Variants in WNK1 observed in about 807,000 individuals in gnomAD.
The protein encoded by WNK1 is WNK lysine deficient protein kinase 1, also known as serine/threonine-protein kinase WNK1.
WNK1 carries 38 observed loss-of-function variants against 222.8 expected under a neutral mutation model. The ratio of observed to expected loss-of-function variants is 0.17; its 90% CI spans 0.13 to 0.22. WNK1 has a LOEUF of 0.22. Ranked by LOEUF, WNK1 falls within the 10% of genes least tolerant of loss-of-function variation. The probability of loss-of-function intolerance (pLI) is 1.00; values close to 1 mark genes in which losing one functional copy is unlikely to be tolerated. For synonymous variants in WNK1, 1,090 were observed against 1,092.9 expected (o/e 1.00, Z 0.05); for missense variants, 2,348 against 2,918.4 (o/e 0.80, Z 4.50).
intron 5 of WNK1, 83 bp downstream of exon 5, chr12:857,332 T>C: frequency 4.1e-6 from 5 of 1,214,328 alleles, no homozygotes; most frequent in Non-Finnish European, 6.1e-6. Context: ...CATTCTACGG[T>C]GTATTTAATA....
intron 3 of WNK1, among the ~76,000 whole-genome samples, chr12:829,524 G>A (rs1348865627): frequency 6.6e-6 from 1 of 152,178 alleles, no homozygotes; most frequent in Non-Finnish European, 1.5e-5. Context: ...TGCCAAGAGT[G>A]TAGCTGTAAA....
Position 878,330 on chromosome 12 carries a change from A to G in WNK1, c.2342A>G (p.Gln781Arg), listed in dbSNP as rs1224692820. The change falls in exon 10 of 28, where the codon CAA becomes CGA. Residue 781 changes from glutamine (Q) to arginine (R), a missense_variant. This residue lies in a region of WNK1 where 547 missense variants were observed against 558.3 expected (regional missense o/e 0.98). Transcript: ENST00000315939. ...AQPVSQPQAP[Q>R]VLPQVSAGKQ... ...CCAGTGAGTCAGCCTCAAGCTCCAC[A>G]AGTCTTGCCTCAAGTATCAGCTGGA... 2 of 1,613,868 alleles carry G rather than the reference A, an allele frequency of 1.2e-6. No individual in the cohort carries two copies. The highest frequency in any genetic ancestry group is 8.5e-7 in the Non-Finnish European group (1 of 1,180,002).
At chr12:801,589 T>A (rs1251614919) in intron 1 of WNK1, among the ~76,000 whole-genome samples, 1 of 150,224 alleles carries the variant, frequency 6.7e-6, no homozygotes, top group Non-Finnish European at 1.5e-5. Flanking sequence ...TTTTTTTTTT[T>A]AAGAGACAAG....
In WNK1 at chr12:780,172, C is replaced by T. The variant is rs1213609399; in HGVS notation, c.759+25848C>T. On this transcript the variant is annotated intron_variant, in intron 1 of 27. Coordinates refer to ENST00000315939, the MANE Select transcript of WNK1 (RefSeq NM_018979.4). Reference sequence around the variant, plus strand: ...AATCTGCCCCATCTTTGTCTAATTCCGTTTTAACTTCTGTCCTTAACATGT... The same window carrying T: ...AATCTGCCCCATCTTTGTCTAATTCTGTTTTAACTTCTGTCCTTAACATGT... 3.3e-5 allele frequency among the ~76,000 whole-genome samples: 5 copies of T among 152,082 alleles called. No homozygotes were observed. In the South Asian group the frequency reaches 8.3e-4, roughly 25 times the overall value.
At chr12:878,145 C>T in intron 9 of WNK1, 67 bp from the exon 10 acceptor site, 1 of 1,602,528 alleles carries the variant, frequency 6.2e-7, no homozygotes, top group South Asian at 1.1e-5. Context: ...TTTAGGTAAA[C>T]ATGCTTCCTT....
chr12:753,697 C>T lies in WNK1; in HGVS notation c.132C>T (p.Ala44=). 6.2e-7 allele frequency: 1 copy of T among 1,612,242 alleles called. No individual in the cohort carries two copies. The highest frequency in any genetic ancestry group is 8.5e-7 in the Non-Finnish European group (1 of 1,179,834). Residue 44 remains alanine (A), a synonymous_variant, in exon 1 of 28, where the codon GCC becomes GCT. Coordinates refer to ENST00000315939, the MANE Select transcript of WNK1 (RefSeq NM_018979.4). The surrounding 1 kb of genome is among the most constrained non-coding windows in gnomAD (Gnocchi z 5.2). ...SVGEKLGAAA[A]DAVTGRTEEY... is the part of the protein sequence containing the mutation. Reference sequence around the variant, plus strand: ...GGGAGAAACTGGGAGCCGCGGCCGCCGACGCTGTGACCGGCAGGACCGAGG... The same window carrying T: ...GGGAGAAACTGGGAGCCGCGGCCGCTGACGCTGTGACCGGCAGGACCGAGG...
intron 4 of WNK1, among the ~76,000 whole-genome samples, chr12:845,147 A>G (rs560769481): frequency 2.5e-4 from 38 of 152,008 alleles, no homozygotes; most frequent in East Asian, 1.9e-3. Flanking sequence ...CGCCCGCCTC[A>G]GCCTCCCAAA....
At chr12:788,684 T>G (rs2153977625) in intron 1 of WNK1, among the ~76,000 whole-genome samples, 1 of 152,202 alleles carries the variant, frequency 6.6e-6, no homozygotes, top group African/African-American at 2.4e-5. Context: ...GTCAGGTGTT[T>G]GAGACAAGCC....
chr12:900,609 C>T lies in WNK1; in HGVS notation c.6582C>T (p.Leu2194=). 6.2e-7 allele frequency: 1 copy of T among 1,614,238 alleles called. No individual in the cohort carries two copies. The highest frequency in any genetic ancestry group is 1.7e-5 in the Admixed American group (1 of 60,030). The change falls in exon 26 of 28, where the codon CTC becomes CTT. Residue 2194 remains leucine (L), a synonymous_variant. Transcript: ENST00000315939. The part of the protein sequence containing the change: ...PLKPSPSSDN[L]YSAFTSDGAI... The stretch of plus-strand genomic sequence containing the variant: ...AGCCATCTCCCTCCAGTGACAACCT[C>T]TATTCAGCCTTCACCAGTGATGGTG...
chr12:836,575 T>TA (rs1476559207), intron 4 of WNK1, among the ~76,000 whole-genome samples: 1 of 152,218 alleles, frequency 6.6e-6, no homozygotes, highest in Non-Finnish European at 1.5e-5. Context: ...GCACAGAAGT[T>TA]ACAAAATCTG....
chr12:784,235 A>G (rs1444790135), intron 1 of WNK1, among the ~76,000 whole-genome samples: 1 of 151,964 alleles, frequency 6.6e-6, no homozygotes, highest in African/African-American at 2.4e-5. Context: ...AAGAAATTGT[A>G]TTTTATTTAT....
intron 23 of WNK1, among the ~76,000 whole-genome samples, chr12:895,461 CTATT>C (rs1475247164): frequency 6.6e-6 from 1 of 151,484 alleles, no homozygotes; most frequent in Non-Finnish European, 1.5e-5. Context: ...TTATTTTTAT[CTATT>C]TATTTATTTT....
intron 1 of WNK1, among the ~76,000 whole-genome samples, chr12:795,781 CT>C (rs1381033686): frequency 1.3e-5 from 2 of 152,186 alleles, no homozygotes; most frequent in Non-Finnish European, 2.9e-5. Context: ...AATATTGATA[CT>C]GTTGCTTACT....
rs1298761421 is a variant in WNK1 at position 885,543 on chromosome 12, C to T, written c.4739C>T (p.Pro1580Leu). Residue 1580 changes from proline (P) to leucine (L), a missense_variant, in exon 19 of 28, where the codon CCT (proline) becomes CTT (leucine). Physicochemically the swap from Pro to Leu is moderately conservative, Grantham distance 98 (BLOSUM62 -3). Transcript: ENST00000315939. ...ATTCCATCAGTGATAGCTTCTACTC[C>T]TATTCTTCCCCAAGCAGCAGGACCT... ...LVIPSVIAST[P>L]ILPQAAGPTS... is the part of the protein sequence containing the mutation. 8.1e-6 allele frequency: 13 copies of T among 1,613,970 alleles called. No individual in the cohort carries two copies. The highest frequency in any genetic ancestry group is 2.2e-5 in the South Asian group (2 of 91,078).
rs763401941 is a variant in WNK1, at chr12:878,265, T to G, written c.2277T>G (p.Leu759=). 1 of 1,614,162 alleles carries G rather than the reference T, an allele frequency of 6.2e-7. No homozygotes were observed. The highest frequency in any genetic ancestry group is 1.7e-5 in the Admixed American group (1 of 60,016). ...APPQQTVQYS[L]SQTSTSSEAT... is the part of the protein sequence containing the mutation. ...CTCAACAGACAGTGCAGTATTCACT[T>G]TCACAGACATCAACCTCCAGTGAGG... Residue 759 remains leucine, a synonymous_variant, in exon 10 of 28, where the codon CTT becomes CTG. Coordinates refer to ENST00000315939, the MANE Select transcript of WNK1 (RefSeq NM_018979.4).
intron 22 of WNK1, among the ~76,000 whole-genome samples, chr12:892,795 T>C (rs1486993803): frequency 6.6e-6 from 1 of 152,104 alleles, no homozygotes; most frequent in Admixed American, 6.6e-5. Flanking sequence ...CACCTCTCAT[T>C]GGTAAATTCA....
Position 885,227 on chromosome 12 carries a change from G to C in WNK1, c.4423G>C (p.Val1475Leu), listed in dbSNP as rs1328846283. ...CCCAGGTCCTAAGCCTCCAGCTGTA[G>C]TATCTCAGCAGGCAGCAGGCAGCAC... is the stretch of plus-strand genomic sequence containing the variant. ...ATPGPKPPAV[V>L]SQQAAGSTTV... The change falls in exon 19 of 28, where the codon GTA becomes CTA. Residue 1475 changes from valine to leucine, a missense_variant. Transcript: ENST00000315939. 1 of 1,614,212 alleles carries C rather than the reference G, an allele frequency of 6.2e-7. No homozygotes were observed. The highest frequency in any genetic ancestry group is 1.7e-5 in the Admixed American group (1 of 60,024).
chr12:885,969 C>A lies in WNK1; in HGVS notation c.5165C>A (p.Ala1722Asp). The A allele has an allele frequency of 6.3e-7, 1 of 1,591,660 alleles. No homozygotes were observed. Among genetic ancestry groups the A allele is most frequent in the Non-Finnish European group, 8.5e-7 (1 of 1,169,798 alleles). The change falls in exon 19 of 28, where the codon GCT (alanine) becomes GAT (aspartate). Residue 1722 changes from alanine to aspartate, a missense_variant. This residue lies in a region of WNK1 where 1,144 missense variants were observed against 1,273.6 expected (regional missense o/e 0.90). Transcript: ENST00000315939. ...ACCAATTTACCACTAGGAACAGTTG[C>A]TTTGCCAGTTACACCAGTGGTCACA... is the stretch of plus-strand genomic sequence containing the variant. ...PPTNLPLGTV[A>D]LPVTPVVTPG... is the part of the protein sequence containing the mutation.
At chr12:770,225 C>T (rs950573502) in intron 1 of WNK1, among the ~76,000 whole-genome samples, 10 of 152,248 alleles carry the variant, frequency 6.6e-5, no homozygotes, top group Non-Finnish European at 1.3e-4. Context: ...CCACCTGCCT[C>T]GGCCTCCCAA....
Sources: allele counts gnomAD v4.1 joint callset (sites outside exome capture counted in the v4.1 genomes callset), GRCh38; gene constraint gnomAD v4.1.1; regional missense constraint gnomAD v4.1.1; non-coding constraint Gnocchi (gnomAD v3.1); transcripts MANE v1.5; gene names NCBI Gene and HGNC (gene_info 2026-07-23, HGNC 2026-07-21).